Variants in SEM1 observed in about 807,000 individuals in gnomAD.
The protein encoded by SEM1 is SEM1 26S proteasome subunit, also known as 26S proteasome complex subunit SEM1.
In SEM1, 3 loss-of-function variants were observed where a neutral mutation model predicts 12.7. That is an observed-to-expected ratio of 0.24 (90% CI 0.11 to 0.61). SEM1 has a LOEUF of 0.61. SEM1 is among the 20% of genes least tolerant of loss of function. SEM1 has a pLI of 0.88. For synonymous variants in SEM1, 30 were observed against 27.8 expected, an observed-to-expected ratio of 1.08 and a Z score of -0.25; for missense variants, 59 against 81.3, an observed-to-expected ratio of 0.73 and a Z score of 1.06.
intron 1 of SEM1, among the ~76,000 whole-genome samples, chr7:96,698,388 A>G (rs76491897): frequency 0.018 from 2,696 of 150,764 alleles, 73 homozygotes; most frequent in African/African-American, 0.063. Flanking sequence ...CGAATTAAGT[A>G]TTTCTCCTAA....
chr7:96,616,295 T>G (rs1040822000), intron 2 of SEM1, among the ~76,000 whole-genome samples: 1 of 152,218 alleles, frequency 6.6e-6, no homozygotes, highest in South Asian at 2.1e-4. Context: ...TGATGATTAG[T>G]GATGCTGAAC....
chr7:96,483,256 GA>G (rs1802614592), exon 4 of SEM1: 1 of 152,344 alleles, frequency 6.6e-6, no homozygotes, highest in African/African-American at 2.4e-5. Context: ...AGGGAAAGCT[GA>G]AAAGTGAAGA....
chr7:96,549,256 T>G (rs186866571), intron 2 of SEM1, among the ~76,000 whole-genome samples: 1 of 152,266 alleles, frequency 6.6e-6, no homozygotes, highest in Non-Finnish European at 1.5e-5. Context: ...TAGTCTCACA[T>G]CTCAAGAAGC....
At chr7:96,597,685 A>G (rs1219523568) in intron 2 of SEM1, among the ~76,000 whole-genome samples, 1 of 151,064 alleles carries the variant, frequency 6.6e-6, no homozygotes, top group Admixed American at 6.6e-5. Flanking sequence ...TGATATATAT[A>G]TATATATATA....
Position 96,683,428 on chromosome 7 carries a change from T to C in SEM1, c.171-9569A>G, listed in dbSNP as rs185626203. Among the ~76,000 whole-genome samples, 13 of 152,234 alleles carry C rather than the reference T, an allele frequency of 8.5e-5. No homozygotes were observed. The East Asian group carries it at 2.5e-3, about 29-fold the overall frequency. ...TGGAGAAATAGGAACACTTTTACAC[T>C]GTTGGTGGGACTGTAAATTAGTTCA... On this transcript the variant is annotated intron_variant, in intron 2 of 2. Transcript: ENST00000413065.
At chr7:96,566,697 TAGAA>T (rs1357029722) in intron 2 of SEM1, among the ~76,000 whole-genome samples, 1 of 151,674 alleles carries the variant, frequency 6.6e-6, no homozygotes, top group Non-Finnish European at 1.5e-5. Flanking sequence ...GTGCCATGCT[TAGAA>T]AGGCTTCTCT....
chr7:96,618,590 T>G (rs1807790580), downstream of SEM1, among the ~76,000 whole-genome samples: 1 of 152,152 alleles, frequency 6.6e-6, no homozygotes, highest in South Asian at 2.1e-4. Context: ...TATTCTTTTT[T>G]GCTTATTTTT....
At chr7:96,675,142 T>A (rs1205875875) in intron 2 of SEM1, among the ~76,000 whole-genome samples, 1 of 145,564 alleles carries the variant, frequency 6.9e-6, no homozygotes, top group Non-Finnish European at 1.5e-5. Flanking sequence ...GTGGAAAATA[T>A]AGTTGCATTT....
In SEM1 at chr7:96,615,241, C is replaced by CTTTTTTTTTT. The variant is rs60940244; in HGVS notation, c.170+79547_170+79556dup. Among the ~76,000 whole-genome samples the CTTTTTTTTTT allele has an allele frequency of 7.4e-4, 94 of 126,412 alleles. 1 individual carries two copies. Among genetic ancestry groups the CTTTTTTTTTT allele is most frequent in the African/African-American group, 2.7e-3 (86 of 31,518 alleles). 82.9% of individuals were successfully genotyped at this position (126,412 alleles called of 152,430 possible). ...ACTGTTGGGTTATTTTTTGAGTCAT[C>CTTTTTTTTTT]TTTTTTTTTTTTTTTTTTTTTTTTG... On this transcript the variant is annotated intron_variant and NMD_transcript_variant, in intron 2 of 3. Transcript: ENST00000466986.
At chr7:96,673,550 G>T in exon 3 of SEM1, 1 of 574,034 alleles carries the variant, frequency 1.7e-6, no homozygotes. Flanking sequence ...CAATACTGCA[G>T]TATGCTAACC....
At chr7:96,652,309 A>G (rs1040236858) in intron 2 of SEM1, among the ~76,000 whole-genome samples, 2 of 152,044 alleles carry the variant, frequency 1.3e-5, no homozygotes, top group Non-Finnish European at 2.9e-5. Flanking sequence ...CATTTGTTAA[A>G]TGAGAGTGTG....
At chr7:96,486,398 A>G (rs1802769538) in exon 2 of SEM1, 3 of 1,536,840 alleles carry the variant, frequency 2.0e-6, no homozygotes, top group South Asian at 2.4e-5. Flanking sequence ...TACAGCAAAC[A>G]CAGCACAAAT....
chr7:96,590,012 A>G (rs912431522), intron 2 of SEM1, among the ~76,000 whole-genome samples: 2 of 152,232 alleles, frequency 1.3e-5, no homozygotes, highest in African/African-American at 4.8e-5. Flanking sequence ...ATGCAAAAAA[A>G]GGCATGAAAC....
At chr7:96,645,847 A>C (rs746452168) in intron 2 of SEM1, 1 of 398,458 alleles carries the variant, frequency 2.5e-6, no homozygotes. Context: ...GTGTGAGTTA[A>C]TGAAGGCCTG....
intron 1 of SEM1, among the ~76,000 whole-genome samples, chr7:96,493,492 C>T (rs541414015): frequency 1.3e-5 from 2 of 152,178 alleles, no homozygotes; most frequent in African/African-American, 4.8e-5. Flanking sequence ...AAAGTATCCT[C>T]AAGATTGGGT....
intron 2 of SEM1, among the ~76,000 whole-genome samples, chr7:96,567,453 A>C: frequency 6.6e-6 from 1 of 151,456 alleles, no homozygotes; most frequent in East Asian, 1.9e-4. Flanking sequence ...TTAATCATAT[A>C]TGTAAATAAT....
chr7:96,620,588 A>G (rs1297003825), downstream of SEM1, among the ~76,000 whole-genome samples: 1 of 152,132 alleles, frequency 6.6e-6, no homozygotes, highest in Non-Finnish European at 1.5e-5. Flanking sequence ...AGGTTTTCCC[A>G]CACCCGCGAG....
intron 2 of SEM1, among the ~76,000 whole-genome samples, chr7:96,609,269 A>G (rs1165569871): frequency 6.6e-6 from 1 of 152,170 alleles, no homozygotes; most frequent in Non-Finnish European, 1.5e-5. Context: ...TATCTGAACT[A>G]TGACATAGAT....
rs977336740 is a variant in SEM1 at position 96,488,831 on chromosome 7, GT to G, written c.13-2415del. Among the ~76,000 whole-genome samples, 73 of 152,196 alleles carry G rather than the reference GT, an allele frequency of 4.8e-4. 1 individual carries two copies. Among genetic ancestry groups the G allele is most frequent in the African/African-American group, 1.6e-3 (66 of 41,548 alleles). Reference sequence around the variant, plus strand: ...GTGCCAAAATGAAGTGTATTGGCCTGTTTTGTTCTTTGGGCTGTGGGTAAAA... The same window carrying G: ...GTGCCAAAATGAAGTGTATTGGCCTGTTTGTTCTTTGGGCTGTGGGTAAAA... On this transcript the variant is annotated intron_variant, in intron 1 of 3. Coordinates refer to the SEM1 transcript ENST00000356686.
Sources: gnomAD v4.1 joint callset for allele counts (sites outside exome capture counted in the v4.1 genomes callset) on GRCh38, gnomAD v4.1.1 for gene constraint, MANE v1.5 for transcripts, NCBI Gene and HGNC (gene_info 2026-07-23, HGNC 2026-07-21) for gene names.